SRGAP2: variants seen among roughly 807,000 people sequenced by gnomAD.
The protein encoded by SRGAP2 is SLIT-ROBO Rho GTPase activating protein 2.
A neutral mutation model predicts 57.2 loss-of-function variants in SRGAP2; 15 were observed. The observed-to-expected ratio is 0.26, with a 90% CI of 0.18 to 0.40. SRGAP2 has a LOEUF of 0.40. Among genes scored for constraint, SRGAP2 ranks in the 10% least tolerant of loss-of-function variants. SRGAP2 has a pLI of 1.00. For missense variants in SRGAP2, 520 were observed against 669.6 expected, an observed-to-expected ratio of 0.78 and a Z score of 2.47; for synonymous variants, 249 against 248.0, an observed-to-expected ratio of 1.00 and a Z score of -0.04.
intron 10 of SRGAP2, among the ~76,000 whole-genome samples, chr1:206,413,795 A>G (rs147851764): frequency 3.9e-5 from 6 of 151,966 alleles, no homozygotes; most frequent in Non-Finnish European, 7.4e-5. Flanking sequence ...TGAGTAATAA[A>G]CCCTCTGTGA....
intron 2 of SRGAP2, among the ~76,000 whole-genome samples, chr1:206,239,972 A>C (rs1553308776): frequency 6.6e-6 from 1 of 151,674 alleles, no homozygotes; most frequent in Non-Finnish European, 1.5e-5. Flanking sequence ...TTCCTTAAAA[A>C]GAAAGACATT....
intron 3 of SRGAP2, among the ~76,000 whole-genome samples, chr1:206,335,913 T>C (rs1406742722): frequency 1.3e-5 from 2 of 152,082 alleles, no homozygotes; most frequent in African/African-American, 4.8e-5. Context: ...CCAGTTAGTG[T>C]CTACGATAGC....
intron 4 of SRGAP2, among the ~76,000 whole-genome samples, chr1:206,354,164 T>A (rs1264894882): frequency 2.6e-5 from 4 of 152,128 alleles, no homozygotes; most frequent in Non-Finnish European, 5.9e-5. Flanking sequence ...CCTCTTGACT[T>A]TTTTTTACAT....
At chr1:206,378,769 A>G (rs1352896680) in intron 4 of SRGAP2, among the ~76,000 whole-genome samples, 7 of 152,190 alleles carry the variant, frequency 4.6e-5, no homozygotes, top group African/African-American at 7.2e-5. Flanking sequence ...AAATGCACCA[A>G]TCAGCACTCT....
At chr1:206,412,197 C>T (rs1423506838) in intron 10 of SRGAP2, among the ~76,000 whole-genome samples, 1 of 152,114 alleles carries the variant, frequency 6.6e-6, no homozygotes, top group Non-Finnish European at 1.5e-5. Context: ...TAATACTTTT[C>T]AATAAACAAA....
chr1:206,207,338 AT>A (rs1472457102), intron 2 of SRGAP2: 2 of 150,616 alleles, frequency 1.3e-5, no homozygotes, highest in Non-Finnish European at 3.0e-5. Flanking sequence ...TTTTTATGTC[AT>A]TAGTTTGGTC....
intron 2 of SRGAP2, among the ~76,000 whole-genome samples, chr1:206,230,536 A>G (rs1196270802): frequency 3.3e-5 from 5 of 151,164 alleles, no homozygotes; most frequent in African/African-American, 9.7e-5. Context: ...TCAACACATG[A>G]TTATGTATGC....
At chr1:206,356,734 T>C (rs1271187338) in intron 4 of SRGAP2, among the ~76,000 whole-genome samples, 1 of 148,876 alleles carries the variant, frequency 6.7e-6, no homozygotes, top group Non-Finnish European at 1.5e-5. Flanking sequence ...AGGACAAAAT[T>C]TAAGTTTTCC....
rs369074242 is a variant in SRGAP2 at position 206,230,336 on chromosome 1, T to C, written c.67+24299T>C. Reference sequence around the variant, plus strand: ...AATGCCTCATGGAAGCACTTGAACTTACCCCTGCATCTTACAGATATATCT... The same window carrying C: ...AATGCCTCATGGAAGCACTTGAACTCACCCCTGCATCTTACAGATATATCT... On this transcript the variant is annotated intron_variant, in intron 2 of 22. Transcript: ENST00000573034. Among the ~76,000 whole-genome samples, 370 of 147,208 alleles carry C rather than the reference T, an allele frequency of 2.5e-3. 4 individuals are homozygous for C. In the East Asian group the frequency reaches 0.047, roughly 19 times the overall value.
intron 16 of SRGAP2, among the ~76,000 whole-genome samples, chr1:206,439,449 T>A (rs1662070634): frequency 6.6e-6 from 1 of 150,958 alleles, no homozygotes; most frequent in Non-Finnish European, 1.5e-5. Flanking sequence ...ATGTGTGGAG[T>A]GAGCAGGACA....
At chr1:206,352,867 G>T (rs1676139392) in intron 4 of SRGAP2, among the ~76,000 whole-genome samples, 1 of 152,024 alleles carries the variant, frequency 6.6e-6, no homozygotes. Context: ...CCAGGCTGGA[G>T]TCCTGTTGCA....
intron 2 of SRGAP2, among the ~76,000 whole-genome samples, chr1:206,241,288 G>T (rs1345885440): frequency 3.3e-5 from 5 of 152,218 alleles, no homozygotes; most frequent in Non-Finnish European, 2.9e-5. Flanking sequence ...GGTACTCGTG[G>T]AGGACCACCT....
intron 4 of SRGAP2, among the ~76,000 whole-genome samples, chr1:206,363,988 G>T (rs1216953269): frequency 6.7e-6 from 1 of 149,282 alleles, no homozygotes; most frequent in Non-Finnish European, 1.5e-5. Context: ...CCTACTAGCG[G>T]ATTTTACCAA....
chr1:206,278,597 G>A (rs1274648186), intron 2 of SRGAP2, among the ~76,000 whole-genome samples: 5 of 144,230 alleles, frequency 3.5e-5, no homozygotes, highest in Non-Finnish European at 7.5e-5. Flanking sequence ...CTGGCTTCAA[G>A]CAATCCTCCC....
chr1:206,240,894 AT>A (rs1175474114), intron 2 of SRGAP2, among the ~76,000 whole-genome samples: 13 of 152,188 alleles, frequency 8.5e-5, no homozygotes, highest in East Asian at 5.8e-4. Flanking sequence ...GTAAATTGAA[AT>A]GGGTTTGGGT....
chr1:206,415,755 A>G (rs1553361556), intron 10 of SRGAP2, 134 bp from the exon 11 acceptor site: 1 of 676,854 alleles, frequency 1.5e-6, no homozygotes, highest in Non-Finnish European at 2.7e-6. Context: ...TAAAGAAATT[A>G]AAAAATTGAC....
intron 18 of SRGAP2, among the ~76,000 whole-genome samples, chr1:206,446,678 G>A (rs1662783859): frequency 6.6e-6 from 1 of 152,194 alleles, no homozygotes; most frequent in African/African-American, 2.4e-5. Flanking sequence ...AAACCATCCT[G>A]GGTCCCAGGG....
intron 3 of SRGAP2, among the ~76,000 whole-genome samples, chr1:206,310,307 T>G (rs1323891475): frequency 2.0e-5 from 3 of 150,744 alleles, no homozygotes; most frequent in African/African-American, 7.3e-5. Flanking sequence ...CATCCTACTT[T>G]CATGCATAAT....
rs144478676 is a variant in SRGAP2, at chr1:206,427,917, T to C, written c.1495-2245T>C. 6.6e-4 allele frequency among the ~76,000 whole-genome samples: 100 copies of C among 152,248 alleles called. No homozygotes were observed. In the East Asian group the frequency reaches 0.016, roughly 24 times the overall value. ...TGAGGCTAGGAGTTTGAGACCAGCCTGGGCAACATAGCAAGACCCTCTATG... is the reference window on the plus strand; with the variant it reads ...TGAGGCTAGGAGTTTGAGACCAGCCCGGGCAACATAGCAAGACCCTCTATG... On this transcript the variant is annotated intron_variant, in intron 13 of 22. Coordinates refer to ENST00000573034, the MANE Select transcript of SRGAP2 (RefSeq NM_015326.5).
Sources: allele counts gnomAD v4.1 joint callset (sites outside exome capture counted in the v4.1 genomes callset), GRCh38; gene constraint gnomAD v4.1.1; transcripts MANE v1.5; gene names NCBI Gene and HGNC (gene_info 2026-07-23, HGNC 2026-07-21).